The following C14orf132 variants were observed in gnomAD, a reference collection of about 807,000 sequenced individuals.
C14orf132 encodes uncharacterized protein C14orf132.
Under a neutral mutation model 5.8 loss-of-function variants are expected in C14orf132, and 6 were observed. That is an observed-to-expected ratio of 1.03 (90% CI 0.57 to 2.04). C14orf132 has a LOEUF of 2.04. C14orf132 is among the 30% of genes most tolerant of loss of function. C14orf132 has a pLI of 0.00. For synonymous variants in C14orf132, 51 were observed against 49.8 expected (o/e 1.02, Z -0.10); for missense variants, 125 against 115.8 (o/e 1.08, Z -0.37).
chr14:96,088,696 G>A lies in C14orf132; in HGVS notation c.*1961G>A, dbSNP rs1394409534. ...CCCACATGCTCAAATCTTCCCTCTG[G>A]CCCCACATCCCTAGGAGGGCCTGAC... On this transcript the variant is annotated 3_prime_UTR_variant, in exon 2 of 2. Coordinates refer to ENST00000555004, the MANE Select transcript of C14orf132 (RefSeq NM_001252507.3). The A allele has an allele frequency of 2.0e-5, 3 of 152,332 alleles. No homozygotes were observed. Among genetic ancestry groups the A allele is most frequent in the East Asian group, 1.9e-4 (1 of 5,186 alleles). 9.4% of individuals were successfully genotyped at this position (152,332 alleles called of 1,614,324 possible). A position where few individuals can be genotyped will look rare whatever the true frequency, so the allele number is the denominator to read the frequency against.
intron 1 of C14orf132, among the ~76,000 whole-genome samples, chr14:96,072,194 G>T (rs1457486183): frequency 6.6e-6 from 1 of 152,248 alleles, no homozygotes; most frequent in Admixed American, 6.5e-5. Context: ...CTGCAGGCCT[G>T]TCGAAACACC....
chr14:96,063,975 C>G (rs1486241572), intron 1 of C14orf132, among the ~76,000 whole-genome samples: 1 of 152,052 alleles, frequency 6.6e-6, no homozygotes, highest in African/African-American at 2.4e-5. Context: ...TGAAAAAATG[C>G]TCAACATCAC....
chr14:96,072,287 G>A (rs1293728132), intron 1 of C14orf132, among the ~76,000 whole-genome samples: 4 of 152,178 alleles, frequency 2.6e-5, no homozygotes, highest in East Asian at 1.9e-4. Context: ...AAATCTTGGC[G>A]CTGTAGAAAG....
chr14:96,049,647 T>TACAC lies in C14orf132; in HGVS notation c.27+10121_27+10122insCACA. On this transcript the variant is annotated intron_variant, in intron 1 of 1. Transcript: ENST00000555004. ...ATATATATACATATATACGTATATA[T>TACAC]ATATATAGAGAGAGAGAGAGAGAGA... Among the ~76,000 whole-genome samples, 3 of 78,772 alleles carry TACAC rather than the reference T, an allele frequency of 3.8e-5. 1 individual carries two copies. Among genetic ancestry groups the TACAC allele is most frequent in the Non-Finnish European group, 7.3e-5 (3 of 40,974 alleles). 51.7% of individuals were successfully genotyped at this position (78,772 alleles called of 152,430 possible).
chr14:96,064,436 A>G (rs1424809918), intron 1 of C14orf132, among the ~76,000 whole-genome samples: 1 of 150,758 alleles, frequency 6.6e-6, no homozygotes, highest in Non-Finnish European at 1.5e-5. Flanking sequence ...ACACATATAT[A>G]TGTGTATATA....
At chr14:96,046,918 G>C (rs1213223607) in intron 1 of C14orf132, among the ~76,000 whole-genome samples, 1 of 152,220 alleles carries the variant, frequency 6.6e-6, no homozygotes, top group African/African-American at 2.4e-5. Flanking sequence ...CTATGGGGAA[G>C]GGCCTCATTC....
intron 1 of C14orf132, among the ~76,000 whole-genome samples, chr14:96,049,541 C>T (rs28736386): frequency 3.3e-5 from 4 of 122,242 alleles, no homozygotes; most frequent in Admixed American, 1.7e-4. Flanking sequence ...TATATACATA[C>T]GTATATATAT....
At position 96,092,923 on chromosome 14, in the gene C14orf132, A is replaced by G. The variant is rs1490688527; in HGVS notation, c.*6188A>G. 6.6e-6 allele frequency: 1 copy of G among 152,226 alleles called. No homozygotes were observed. The highest frequency in any genetic ancestry group is 6.5e-5 in the Admixed American group (1 of 15,284). The allele number at this position is 152,226 out of a possible 1,614,324, so 9.4% of individuals were successfully genotyped here. A position where few individuals can be genotyped will look rare whatever the true frequency, so the allele number is the denominator to read the frequency against. ...GGCCAGGGATGCCACCGAACATCCT[A>G]CAATGCACAGGGCAGCCCCCCACAA... On this transcript the variant is annotated 3_prime_UTR_variant, in exon 2 of 2. Coordinates refer to ENST00000555004, the MANE Select transcript of C14orf132 (RefSeq NM_001252507.3).
At chr14:96,083,330 C>G (rs768061775) in intron 1 of C14orf132, among the ~76,000 whole-genome samples, 1 of 152,196 alleles carries the variant, frequency 6.6e-6, no homozygotes, top group Non-Finnish European at 1.5e-5. Flanking sequence ...ATCCTGACTC[C>G]TTTCTGGAAC....
chr14:96,079,509 T>G (rs1038997225), intron 1 of C14orf132, among the ~76,000 whole-genome samples: 1 of 152,174 alleles, frequency 6.6e-6, no homozygotes, highest in Admixed American at 6.5e-5. Flanking sequence ...TCTTTTTAAA[T>G]GTTGAGCCCT....
rs531236241 is a variant in C14orf132, at chr14:96,053,870, C to A, written c.27+14343C>A. ...GGAGGGAGCACTCCAGGGAGTCAAG[C>A]CATAGCCCCCAGCAGAACACTAAAG... On this transcript the variant is annotated intron_variant, in intron 1 of 1. Coordinates refer to ENST00000555004, the MANE Select transcript of C14orf132 (RefSeq NM_001252507.3). 7.9e-5 allele frequency among the ~76,000 whole-genome samples: 12 copies of A among 152,298 alleles called. No individual in the cohort carries two copies. The South Asian group carries it at 2.3e-3, about 29-fold the overall frequency.
At position 96,039,372 on chromosome 14, in the gene C14orf132, A is replaced by G; in HGVS notation, c.-129A>G. On this transcript the variant is annotated 5_prime_UTR_variant, in exon 1 of 2. Transcript: ENST00000555004. The surrounding 1 kb of genome is among the most constrained non-coding windows in gnomAD (Gnocchi z 5.3). ...TAGAGATCTGGAGCCAGAAGCCCAG[A>G]GACAGCCGAGTGCGCCGTGCGGTCT... 2.2e-6 allele frequency: 2 copies of G among 913,720 alleles called. No homozygotes were observed. Among genetic ancestry groups the G allele is most frequent in the East Asian group, 3.5e-5 (1 of 28,946 alleles). 56.6% of individuals were successfully genotyped at this position (913,720 alleles called of 1,614,324 possible). A position where few individuals can be genotyped will look rare whatever the true frequency, so the allele number is the denominator to read the frequency against.
intron 1 of C14orf132, among the ~76,000 whole-genome samples, chr14:96,078,172 C>G (rs1358619699): frequency 6.6e-6 from 1 of 152,266 alleles, no homozygotes; most frequent in Non-Finnish European, 1.5e-5. Context: ...CCACACTCTT[C>G]AGACCATGGG....
At chr14:96,044,752 T>G (rs887724086) in intron 1 of C14orf132, among the ~76,000 whole-genome samples, 1 of 152,214 alleles carries the variant, frequency 6.6e-6, no homozygotes, top group African/African-American at 2.4e-5. Flanking sequence ...ATTGCTGTAG[T>G]CTCTGCCTGC....
At chr14:96,072,148 C>A (rs980523452) in intron 1 of C14orf132, among the ~76,000 whole-genome samples, 2 of 152,230 alleles carry the variant, frequency 1.3e-5, no homozygotes, top group Non-Finnish European at 2.9e-5. Context: ...TTGGAGAATC[C>A]TTCCGAGCAC....
At position 96,067,915 on chromosome 14, in the gene C14orf132, C is replaced by T. The variant is rs529810974; in HGVS notation, c.28-18596C>T. The stretch of plus-strand genomic sequence containing the variant: ...AGTTATGTCTTCTTTACTATGTGTG[C>T]CTGTGTCCTCGCCTGTCAAACAAGG... On this transcript the variant is annotated intron_variant, in intron 1 of 1. Coordinates refer to ENST00000555004, the MANE Select transcript of C14orf132 (RefSeq NM_001252507.3). Among the ~76,000 whole-genome samples the T allele has an allele frequency of 3.3e-5, 5 of 152,252 alleles. No homozygotes were observed. In the South Asian group the frequency reaches 1.0e-3, roughly 32 times the overall value.
chr14:96,071,628 A>G (rs1887710777), intron 1 of C14orf132, among the ~76,000 whole-genome samples: 3 of 152,194 alleles, frequency 2.0e-5, no homozygotes, highest in Admixed American at 2.0e-4. Context: ...CCACAGTCCC[A>G]GCCCTCTCTC....
chr14:96,061,838 A>T (rs190932049), intron 1 of C14orf132, among the ~76,000 whole-genome samples: 36 of 152,230 alleles, frequency 2.4e-4, no homozygotes, highest in African/African-American at 7.2e-4. Context: ...TGAGCCCAAG[A>T]GTTTGAGGCT....
chr14:96,069,290 T>TC (rs1887636835), intron 1 of C14orf132, among the ~76,000 whole-genome samples: 1 of 133,696 alleles, frequency 7.5e-6, no homozygotes, highest in Non-Finnish European at 1.6e-5. Flanking sequence ...TATATATATA[T>TC]ATATATATAT....
Sources: allele counts gnomAD v4.1 joint callset (sites outside exome capture counted in the v4.1 genomes callset), GRCh38; gene constraint gnomAD v4.1.1; non-coding constraint Gnocchi (gnomAD v3.1); transcripts MANE v1.5; gene names NCBI Gene and HGNC (gene_info 2026-07-23, HGNC 2026-07-21).